The following LHFPL3 variants were observed in gnomAD, a reference collection of about 807,000 sequenced individuals.
LHFPL3 encodes LHFPL tetraspan subfamily member 3 protein.
LHFPL3 carries 5 observed loss-of-function variants against 19.3 expected under a neutral mutation model. The observed-to-expected ratio is 0.26, with a 90% CI of 0.14 to 0.54. The LOEUF (loss-of-function observed/expected upper bound fraction) is 0.54. LHFPL3 is among the 20% of genes least tolerant of loss of function. The probability of loss-of-function intolerance (pLI) is 0.94; values close to 1 mark genes in which losing one functional copy is unlikely to be tolerated. For synonymous variants in LHFPL3, 133 were observed against 126.2 expected (o/e 1.05, Z -0.36); for missense variants, 249 against 307.4 (o/e 0.81, Z 1.42).
intron 1 of LHFPL3, among the ~76,000 whole-genome samples, chr7:104,487,171 C>A (rs1584353581): frequency 6.6e-6 from 1 of 152,164 alleles, no homozygotes; most frequent in East Asian, 1.9e-4. Context: ...TATAATGAAA[C>A]CAGTTTTATC....
intron 1 of LHFPL3, among the ~76,000 whole-genome samples, chr7:104,515,456 A>G (rs1424162259): frequency 6.6e-6 from 1 of 152,196 alleles, no homozygotes; most frequent in Non-Finnish European, 1.5e-5. Context: ...AAGAACTAAG[A>G]TCACAAGATG....
chr7:104,348,692 T>C lies in LHFPL3; in HGVS notation c.445+19468T>C, dbSNP rs1790118072. On this transcript the variant is annotated intron_variant, in intron 1 of 2. Transcript: ENST00000424859. Reference sequence around the variant, plus strand: ...GATTGTTTTCCAAAAGAAATTCTTTTTGTTCTCAGGCTTCAGGGTAGCAAC... The same window carrying C: ...GATTGTTTTCCAAAAGAAATTCTTTCTGTTCTCAGGCTTCAGGGTAGCAAC... Among the ~76,000 whole-genome samples, 2 of 152,232 alleles carry C rather than the reference T, an allele frequency of 1.3e-5. 1 individual carries two copies. Among genetic ancestry groups the C allele is most frequent in the South Asian group, 4.1e-4 (2 of 4,836 alleles).
intron 1 of LHFPL3, among the ~76,000 whole-genome samples, chr7:104,576,170 A>T (rs6980286): frequency 6.6e-6 from 1 of 152,156 alleles, no homozygotes. Context: ...GGAAAAAAAA[A>T]TTAGAAAAAA....
At chr7:104,392,972 C>A (rs369534120) in intron 1 of LHFPL3, among the ~76,000 whole-genome samples, 3 of 152,014 alleles carry the variant, frequency 2.0e-5, no homozygotes, top group Admixed American at 6.6e-5. Context: ...AATTTATTTG[C>A]GTAGAAGTAA....
intron 2 of LHFPL3, among the ~76,000 whole-genome samples, chr7:104,880,546 C>G (rs1792028466): frequency 6.6e-6 from 1 of 152,012 alleles, no homozygotes. Flanking sequence ...AGGGTCCTTA[C>G]AGATTATTCT....
intron 1 of LHFPL3, among the ~76,000 whole-genome samples, chr7:104,621,295 C>T (rs1486686297): frequency 2.6e-5 from 4 of 152,168 alleles, no homozygotes; most frequent in South Asian, 2.1e-4. Context: ...TCCTAACATT[C>T]TATGAGAGAG....
chr7:104,869,402 C>A lies in LHFPL3; in HGVS notation c.683-36785C>A, dbSNP rs1267011598. On this transcript the variant is annotated intron_variant, in intron 2 of 2. Coordinates refer to ENST00000424859, the MANE Select transcript of LHFPL3 (RefSeq NM_199000.3). ...CTCCAACAAATTTACAAGAAAAAAACAAACAACCCCATCAAAAAGTGGACA... is the reference window on the plus strand; with the variant it reads ...CTCCAACAAATTTACAAGAAAAAAAAAAACAACCCCATCAAAAAGTGGACA... Among the ~76,000 whole-genome samples, 6 of 152,204 alleles carry A rather than the reference C, an allele frequency of 3.9e-5. No individual in the cohort carries two copies. The South Asian group carries it at 6.2e-4, about 16-fold the overall frequency.
At chr7:104,407,321 C>T (rs1270450401) in intron 1 of LHFPL3, among the ~76,000 whole-genome samples, 1 of 152,010 alleles carries the variant, frequency 6.6e-6, no homozygotes, top group Non-Finnish European at 1.5e-5. Context: ...AAGATGAGCA[C>T]AAAAAATGTT....
At chr7:104,494,555 C>T (rs945856283) in intron 1 of LHFPL3, among the ~76,000 whole-genome samples, 2 of 152,106 alleles carry the variant, frequency 1.3e-5, no homozygotes, top group Non-Finnish European at 2.9e-5. Context: ...TAAGAAAGAA[C>T]TCCCTGCCCC....
At chr7:104,879,415 CAA>C (rs111671847) in intron 2 of LHFPL3, among the ~76,000 whole-genome samples, 44 of 142,846 alleles carry the variant, frequency 3.1e-4, no homozygotes, top group Middle Eastern at 7.0e-3. Flanking sequence ...GACCCTGTCT[CAA>C]AAAAAAAAAA....
intron 1 of LHFPL3, among the ~76,000 whole-genome samples, chr7:104,730,918 T>C (rs866818075): frequency 6.6e-6 from 1 of 152,226 alleles, no homozygotes. Flanking sequence ...GAATTAATTT[T>C]TGTATAAGGT....
intron 1 of LHFPL3, among the ~76,000 whole-genome samples, chr7:104,406,228 A>G (rs1791410138): frequency 1.3e-5 from 2 of 152,224 alleles, no homozygotes. Flanking sequence ...CTCCAGGTAC[A>G]TTCCTGTTTG....
chr7:104,865,042 CA>C (rs200876201), intron 2 of LHFPL3, among the ~76,000 whole-genome samples: 28,479 of 152,088 alleles, frequency 0.19, 2,919 homozygotes, highest in East Asian at 0.37. Flanking sequence ...AACTAACAAA[CA>C]GAAAGGACAT....
In LHFPL3 at chr7:104,652,908, AT is replaced by A. The variant is rs549613803; in HGVS notation, c.446-83765del. 2.6e-5 allele frequency among the ~76,000 whole-genome samples: 4 copies of A among 152,136 alleles called. No homozygotes were observed. The South Asian group carries it at 8.3e-4, about 32-fold the overall frequency. On this transcript the variant is annotated intron_variant, in intron 1 of 2. Transcript: ENST00000424859. ...TCCAGCAGAGTCAGGGAAGTGGAAAATTACAAAAATCAGGGAGGGAGGCTAT... is the reference window on the plus strand; with the variant it reads ...TCCAGCAGAGTCAGGGAAGTGGAAAATACAAAAATCAGGGAGGGAGGCTAT...
intron 1 of LHFPL3, among the ~76,000 whole-genome samples, chr7:104,380,029 T>TGAATATTCTCATATTCTCATATTCTC (rs374692347): frequency 5.8e-4 from 89 of 152,352 alleles, no homozygotes; most frequent in African/African-American, 2.1e-3. Flanking sequence ...TTCACTATGA[T>TGAATATTCTCATATTCTCATATTCTC]ATATCTCATA....
At chr7:104,807,497 C>A (rs1468432504) in intron 2 of LHFPL3, among the ~76,000 whole-genome samples, 2 of 152,212 alleles carry the variant, frequency 1.3e-5, no homozygotes, top group African/African-American at 4.8e-5. Context: ...GACTCCAACT[C>A]TCAAAGTATT....
chr7:104,638,515 T>C (rs997658807), intron 1 of LHFPL3, among the ~76,000 whole-genome samples: 1 of 152,186 alleles, frequency 6.6e-6, no homozygotes, highest in Admixed American at 6.5e-5. Flanking sequence ...AGTATGATAT[T>C]GACTGTGTGT....
At chr7:104,646,840 T>C (rs1248873894) in intron 1 of LHFPL3, among the ~76,000 whole-genome samples, 1 of 152,170 alleles carries the variant, frequency 6.6e-6, no homozygotes, top group Non-Finnish European at 1.5e-5. Flanking sequence ...GCAAACTTCT[T>C]TTGAATACCA....
intron 1 of LHFPL3, among the ~76,000 whole-genome samples, chr7:104,713,391 C>T (rs113220470): frequency 0.012 from 1,775 of 152,298 alleles, 32 homozygotes; most frequent in African/African-American, 0.04. Context: ...GTTCCACAGG[C>T]TGTGCAGGTA....
Sources: allele counts gnomAD v4.1 joint callset (sites outside exome capture counted in the v4.1 genomes callset), GRCh38; gene constraint gnomAD v4.1.1; transcripts MANE v1.5; gene names NCBI Gene and HGNC (gene_info 2026-07-23, HGNC 2026-07-21).